FCHO2: variants seen among roughly 807,000 people sequenced by gnomAD.
FCHO2 encodes the protein F-BAR domain only protein 2.
In FCHO2, 43 loss-of-function variants were observed where a neutral mutation model predicts 114.1. The observed-to-expected ratio is 0.38, with a 90% CI of 0.30 to 0.49. FCHO2 has a LOEUF of 0.49. Ranked by LOEUF, FCHO2 falls within the 20% of genes least tolerant of loss-of-function variation. The pLI, the probability that FCHO2 is intolerant of heterozygous loss-of-function variation, is 0.97. For missense variants in FCHO2, 807 were observed against 950.4 expected, an observed-to-expected ratio of 0.85 and a Z score of 1.98; for synonymous variants, 293 against 315.2, an observed-to-expected ratio of 0.93 and a Z score of 0.75.
intron 18 of FCHO2, among the ~76,000 whole-genome samples, chr5:73,065,177 T>A (rs1758005637): frequency 6.6e-6 from 1 of 152,058 alleles, no homozygotes. Context: ...AGGTACAAGC[T>A]GCCAAGGAGA....
intron 5 of FCHO2, among the ~76,000 whole-genome samples, chr5:72,999,836 A>G (rs1005034118): frequency 6.6e-6 from 1 of 152,210 alleles, no homozygotes; most frequent in Non-Finnish European, 1.5e-5. Flanking sequence ...TTAATTTATA[A>G]TGCTAAGGAA....
chr5:72,981,011 A>C (rs1161495381), intron 2 of FCHO2, among the ~76,000 whole-genome samples: 1 of 151,810 alleles, frequency 6.6e-6, no homozygotes, highest in East Asian at 1.9e-4. Context: ...TATTTTGCCC[A>C]TTAGTTGGTA....
At chr5:73,046,194 T>G (rs537758114) in intron 11 of FCHO2, among the ~76,000 whole-genome samples, 2 of 152,334 alleles carry the variant, frequency 1.3e-5, no homozygotes, top group Admixed American at 1.3e-4. Flanking sequence ...GCCTTCCAAG[T>G]AGCTAGGACT....
chr5:73,057,005 G>A (rs746695525), intron 16 of FCHO2, among the ~76,000 whole-genome samples: 1 of 152,088 alleles, frequency 6.6e-6, no homozygotes, highest in African/African-American at 2.4e-5. Context: ...TGTCTCTCAG[G>A]CTGGAGTGCA....
chr5:73,042,730 T>C (rs1301229881), intron 11 of FCHO2, among the ~76,000 whole-genome samples: 1 of 152,190 alleles, frequency 6.6e-6, no homozygotes, highest in African/African-American at 2.4e-5. Context: ...TTATAAAGTT[T>C]ATATGCAAAT....
At chr5:73,048,267 T>C (rs1051842070) in intron 11 of FCHO2, among the ~76,000 whole-genome samples, 84 of 152,012 alleles carry the variant, frequency 5.5e-4, no homozygotes, top group African/African-American at 1.9e-3. Flanking sequence ...CTGGCCAATA[T>C]AGGGACACCC....
chr5:72,968,582 A>C lies in FCHO2; in HGVS notation c.118A>C (p.Arg40=). ...AACAAAAGAACTAGCAGATTTTGTA[A>C]GGGAACGGTATGTATTTTTTAAATA... ...ISTKELADFV[R]ERATIEEAYS... is the part of the protein sequence containing the mutation. The change falls in exon 2 of 26, where the codon AGG becomes CGG. Residue 40 remains arginine, a synonymous_variant. Transcript: ENST00000430046. 1 of 1,527,534 alleles carries C rather than the reference A, an allele frequency of 6.5e-7. No individual in the cohort carries two copies. The highest frequency in any genetic ancestry group is 8.7e-7 in the Non-Finnish European group (1 of 1,145,192). The allele number at this position is 1,527,534 out of a possible 1,614,324, so 94.6% of individuals were successfully genotyped here. A position where few individuals can be genotyped will look rare whatever the true frequency, so the allele number is the denominator to read the frequency against.
intron 2 of FCHO2, among the ~76,000 whole-genome samples, chr5:72,969,050 T>TTTTAAATTCG: frequency 6.6e-6 from 1 of 152,192 alleles, no homozygotes; most frequent in Admixed American, 6.5e-5. Context: ...TTGTTAAGAC[T>TTTTAAATTCG]CTTAGAATAT....
chr5:73,086,872 A>G (rs1390349279), intron 24 of FCHO2, among the ~76,000 whole-genome samples: 1 of 152,198 alleles, frequency 6.6e-6, no homozygotes, highest in Non-Finnish European at 1.5e-5. Context: ...TAAATGCATC[A>G]TGCTCTGTCT....
At chr5:72,971,224 G>A (rs563125605) in intron 2 of FCHO2, among the ~76,000 whole-genome samples, 8 of 152,078 alleles carry the variant, frequency 5.3e-5, no homozygotes, top group Non-Finnish European at 1.2e-4. Context: ...CCAGTAATGG[G>A]ATGGCTGGGT....
chr5:73,063,024 A>G (rs1757920731), intron 17 of FCHO2, among the ~76,000 whole-genome samples: 1 of 152,118 alleles, frequency 6.6e-6, no homozygotes, highest in Non-Finnish European at 1.5e-5. Flanking sequence ...TAATTTATTA[A>G]TGATTATTAA....
chr5:73,014,557 G>A (rs955554038), intron 6 of FCHO2, among the ~76,000 whole-genome samples: 94 of 151,818 alleles, frequency 6.2e-4, no homozygotes, highest in African/African-American at 2.2e-3. Flanking sequence ...CATAGTGCTG[G>A]GATTATAGGT....
At chr5:73,061,108 C>T (rs1382985638) in intron 17 of FCHO2, among the ~76,000 whole-genome samples, 2 of 151,786 alleles carry the variant, frequency 1.3e-5, no homozygotes, top group African/African-American at 4.8e-5. Context: ...TTCCTGGGGG[C>T]AGTTTTATCA....
chr5:73,049,857 TAC>T (rs1469966007), intron 11 of FCHO2, among the ~76,000 whole-genome samples: 2 of 152,188 alleles, frequency 1.3e-5, no homozygotes, highest in African/African-American at 4.8e-5. Context: ...TCTGTGTGTA[TAC>T]ACACATATAC....
chr5:72,963,693 C>T (rs1330014495), intron 1 of FCHO2, among the ~76,000 whole-genome samples: 4 of 151,932 alleles, frequency 2.6e-5, no homozygotes, highest in Admixed American at 6.6e-5. Context: ...GAACTACAGG[C>T]GCATGCCACC....
At chr5:73,003,806 G>T (rs142217549) in intron 5 of FCHO2, among the ~76,000 whole-genome samples, 2 of 152,114 alleles carry the variant, frequency 1.3e-5, no homozygotes, top group Non-Finnish European at 2.9e-5. Context: ...CACTTTGGGA[G>T]GCCTAGGCGT....
chr5:73,007,379 C>G (rs986029616), intron 6 of FCHO2, among the ~76,000 whole-genome samples: 1 of 152,126 alleles, frequency 6.6e-6, no homozygotes, highest in African/African-American at 2.4e-5. Flanking sequence ...CACATGAGTT[C>G]TTTTACCTAT....
chr5:73,000,500 G>A (rs1754378479), intron 5 of FCHO2, among the ~76,000 whole-genome samples: 1 of 151,094 alleles, frequency 6.6e-6, no homozygotes, highest in Non-Finnish European at 1.5e-5. Flanking sequence ...AAAAAGCTGG[G>A]GGCAGTGGCT....
At chr5:73,079,647 G>C (rs1446433334) in intron 22 of FCHO2, among the ~76,000 whole-genome samples, 1 of 152,196 alleles carries the variant, frequency 6.6e-6, no homozygotes, top group African/African-American at 2.4e-5. Context: ...TGAAGATACA[G>C]TTGACCCTTA....
Sources: gnomAD v4.1 joint callset for allele counts (sites outside exome capture counted in the v4.1 genomes callset) on GRCh38, gnomAD v4.1.1 for gene constraint, MANE v1.5 for transcripts, NCBI Gene and HGNC (gene_info 2026-07-23, HGNC 2026-07-21) for gene names.